Variants in HLCS observed in about 807,000 individuals in gnomAD.
HLCS encodes the protein biotin--protein ligase.
HLCS carries 53 observed loss-of-function variants against 75.0 expected under a neutral mutation model. The ratio of observed to expected loss-of-function variants is 0.71; its 90% confidence interval spans 0.57 to 0.89. HLCS has a LOEUF of 0.89. HLCS is among the 40% of genes least tolerant of loss of function. The probability of loss-of-function intolerance (pLI) is 0.00; values close to 1 mark genes in which losing one functional copy is unlikely to be tolerated. For synonymous variants in HLCS, 431 were observed against 428.6 expected (o/e 1.01, Z -0.07); for missense variants, 966 against 1,074.0 (o/e 0.90, Z 1.41).
rs141966684 is a variant in HLCS at position 36,887,021 on chromosome 21, G to A, written c.1892+9839C>T. ...GGCACATGCCTGTAATCCCAGCTGC[G>A]CAGGAGGCTGGGGCAGGATAATTGC... On this transcript the variant is annotated intron_variant, in intron 6 of 10. Coordinates refer to ENST00000674895, the MANE Select transcript of HLCS (RefSeq NM_001352514.2). Among the ~76,000 whole-genome samples the A allele has an allele frequency of 6.9e-3, 1,047 of 152,012 alleles. 14 individuals are homozygous for A. The highest frequency in any genetic ancestry group is 0.023 in the African/African-American group (964 of 41,450).
chr21:36,937,095 A>G lies in HLCS; in HGVS notation c.791T>C (p.Ile264Thr), dbSNP rs759976020. 10 of 1,613,978 alleles carry G rather than the reference A, an allele frequency of 6.2e-6. No homozygotes were observed. Among genetic ancestry groups the G allele is most frequent in the Middle Eastern group, 1.6e-4 (1 of 6,084 alleles). ...GGCAGACGCAAACTTGACTGACTCA[A>G]TGGTGCTGTTCTCAAGTTCCAGACA... ...HECLELENST[I>T]ESVKFASAEN... The change falls in exon 4 of 11, where the codon ATT (isoleucine) becomes ACT (threonine). Residue 264 changes from isoleucine to threonine, a missense_variant. Physicochemically the swap from Ile to Thr is moderately conservative, Grantham distance 89. Transcript: ENST00000674895.
intron 5 of HLCS, among the ~76,000 whole-genome samples, chr21:36,910,799 C>A (rs1377331698): frequency 2.6e-5 from 4 of 152,170 alleles, no homozygotes; most frequent in African/African-American, 9.7e-5. Context: ...CTAACCAACC[C>A]CTGCCTGACC....
rs139660892 is a variant in HLCS at position 36,826,024 on chromosome 21, GTTAT to G, written c.1893-58743_1893-58740del. On this transcript the variant is annotated intron_variant, in intron 6 of 10. Transcript: ENST00000674895. ...TGGGTACAAGGAATTAGAGTAAGAA[GTTAT>G]TTTTTTTTTTTAATTAGAAACAAAT... is the stretch of plus-strand genomic sequence containing the variant. Among the ~76,000 whole-genome samples, 323 of 151,258 alleles carry G rather than the reference GTTAT, an allele frequency of 2.1e-3. 2 individuals are homozygous for G. The highest frequency in any genetic ancestry group is 7.6e-3 in the African/African-American group (310 of 40,882).
chr21:36,989,843 G>GGCCGCGTC (rs1406906323), intron 1 of HLCS, among the ~76,000 whole-genome samples: 1 of 152,144 alleles, frequency 6.6e-6, no homozygotes, highest in Admixed American at 6.5e-5. Context: ...CAGGTTCTCA[G>GGCCGCGTC]GCCGCGTCGC....
rs187716160 is a variant in HLCS at position 36,928,108 on chromosome 21, G to T, written c.1620+2143C>A. On this transcript the variant is annotated intron_variant, in intron 5 of 10. Transcript: ENST00000674895. ...ACCCATAGCACAGTGACTAGATGCA[G>T]GAGGAATTCAGCTGCCTCCGGAAAG... Among the ~76,000 whole-genome samples, 239 of 152,310 alleles carry T rather than the reference G, an allele frequency of 1.6e-3. 2 individuals are homozygous for T. Among genetic ancestry groups the T allele is most frequent in the African/African-American group, 5.5e-3 (227 of 41,562 alleles).
At chr21:36,987,229 A>C (rs2069244576) in intron 1 of HLCS, among the ~76,000 whole-genome samples, 4 of 152,204 alleles carry the variant, frequency 2.6e-5, no homozygotes, top group Non-Finnish European at 4.4e-5. Flanking sequence ...TTAGAAAACA[A>C]GATATGGGCA....
intron 1 of HLCS, among the ~76,000 whole-genome samples, chr21:36,982,927 G>A (rs1316947622): frequency 2.6e-5 from 4 of 152,162 alleles, no homozygotes; most frequent in Non-Finnish European, 5.9e-5. Flanking sequence ...TACTCGGGAA[G>A]CTGAGGCAGA....
At chr21:36,815,027 C>CTTTTTT (rs1195265718) in intron 6 of HLCS, among the ~76,000 whole-genome samples, 1 of 129,176 alleles carries the variant, frequency 7.7e-6, no homozygotes, top group Non-Finnish European at 1.7e-5. Context: ...TGAAGCTTTG[C>CTTTTTT]TTTTTTTTTT....
At chr21:36,989,046 AT>A (rs200491229) in intron 1 of HLCS, among the ~76,000 whole-genome samples, 1 of 142,586 alleles carries the variant, frequency 7.0e-6, no homozygotes, top group Non-Finnish European at 1.6e-5. Context: ...TTATTTATTT[AT>A]TTTTTTTGAG....
chr21:36,807,969 T>G (rs1323813991), intron 6 of HLCS, among the ~76,000 whole-genome samples: 1 of 152,144 alleles, frequency 6.6e-6, no homozygotes, highest in East Asian at 1.9e-4. Flanking sequence ...AATGAAACAC[T>G]ACCGTGCCAC....
At chr21:36,866,005 C>T (rs1007574055) in intron 6 of HLCS, among the ~76,000 whole-genome samples, 1 of 152,110 alleles carries the variant, frequency 6.6e-6, no homozygotes, top group Non-Finnish European at 1.5e-5. Context: ...CAACTTTTTT[C>T]ACAGATCCAT....
chr21:36,926,630 T>C (rs1457162146), intron 5 of HLCS, among the ~76,000 whole-genome samples: 4 of 152,042 alleles, frequency 2.6e-5, no homozygotes, highest in Non-Finnish European at 5.9e-5. Flanking sequence ...ATAATCATTA[T>C]AGAAAATTTG....
intron 6 of HLCS, among the ~76,000 whole-genome samples, chr21:36,831,523 T>C (rs533756965): frequency 6.6e-6 from 1 of 152,098 alleles, no homozygotes; most frequent in Non-Finnish European, 1.5e-5. Flanking sequence ...CTACTAAAAA[T>C]ACAAAAAACA....
chr21:36,938,557 T>G (rs943811626), intron 3 of HLCS, among the ~76,000 whole-genome samples: 3 of 152,232 alleles, frequency 2.0e-5, no homozygotes, highest in Non-Finnish European at 2.9e-5. Context: ...GGGAATGCAG[T>G]GGCGTGATCA....
At chr21:36,913,531 C>T (rs1335684602) in intron 5 of HLCS, among the ~76,000 whole-genome samples, 1 of 152,052 alleles carries the variant, frequency 6.6e-6, no homozygotes, top group Non-Finnish European at 1.5e-5. Context: ...GAGGCCCAGG[C>T]AGGCAGATCA....
At chr21:36,888,488 ATATATATATT>A (rs1268004327) in intron 6 of HLCS, among the ~76,000 whole-genome samples, 64 of 89,298 alleles carry the variant, frequency 7.2e-4, no homozygotes, top group African/African-American at 2.2e-3. Context: ...ATATATATAT[ATATATATATT>A]TATTTATTTA....
chr21:36,851,631 T>TA (rs751368064), intron 6 of HLCS, among the ~76,000 whole-genome samples: 1 of 152,298 alleles, frequency 6.6e-6, no homozygotes, highest in South Asian at 2.1e-4. Flanking sequence ...GTGACTACAG[T>TA]AAAAAATATT....
upstream of HLCS, chr21:36,968,690 G>A (rs1424781206): frequency 6.6e-6 from 1 of 152,176 alleles, no homozygotes; most frequent in East Asian, 1.9e-4. Context: ...TCAGGAATTT[G>A]AAGATGAAAA....
In HLCS at chr21:36,765,142, A is replaced by G. The variant is rs748532790; in HGVS notation, c.1991T>C (p.Val664Ala). The G allele has an allele frequency of 1.2e-6, 2 of 1,614,226 alleles. No homozygotes were observed. The highest frequency in any genetic ancestry group is 1.1e-5 in the South Asian group (1 of 91,078). The change falls in exon 8 of 11, where the codon GTG becomes GCG. Residue 664 changes from valine to alanine, a missense_variant. Coordinates refer to ENST00000674895, the MANE Select transcript of HLCS (RefSeq NM_001352514.2). ...GAGCAGAGTAGAAAGAGCACATCCCACAGGGCTCAGCCACACATTCCCTCC... is the reference window on the plus strand; with the variant it reads ...GAGCAGAGTAGAAAGAGCACATCCCGCAGGGCTCAGCCACACATTCCCTCC... ...GRGGNVWLSP[V>A]GCALSTLLIS...
Sources: allele counts gnomAD v4.1 joint callset (sites outside exome capture counted in the v4.1 genomes callset), GRCh38; gene constraint gnomAD v4.1.1; transcripts MANE v1.5; gene names NCBI Gene and HGNC (gene_info 2026-07-23, HGNC 2026-07-21).